Variants in RTN4RL1 observed in about 807,000 individuals in gnomAD.
RTN4RL1 encodes reticulon 4 receptor like 1.
In RTN4RL1, 7 loss-of-function variants were observed where a neutral mutation model predicts 25.6. That is an observed-to-expected ratio of 0.27 (90% CI 0.16 to 0.51). RTN4RL1 has a LOEUF of 0.51. Ranked by LOEUF, RTN4RL1 falls within the 20% of genes least tolerant of loss-of-function variation. The pLI is 0.97. For missense variants in RTN4RL1, 500 were observed against 615.6 expected, an observed-to-expected ratio of 0.81 and a Z score of 1.99; for synonymous variants, 297 against 288.2, an observed-to-expected ratio of 1.03 and a Z score of -0.31.
rs547876508 is a variant in RTN4RL1 at position 1,992,613 on chromosome 17, G to C, written c.13+32240C>G. 1.7e-4 allele frequency among the ~76,000 whole-genome samples: 26 copies of C among 152,322 alleles called. No individual in the cohort carries two copies. In the South Asian group the frequency reaches 4.8e-3, roughly 28 times the overall value. On this transcript the variant is annotated intron_variant, in intron 1 of 1. Coordinates refer to ENST00000331238, the MANE Select transcript of RTN4RL1 (RefSeq NM_178568.4). Reference sequence around the variant, plus strand: ...TGATCCAGAGGGAGCCTGTCTCGCGGGTGGCTGGGAAAGCTCCCTGTGCTG... The same window carrying C: ...TGATCCAGAGGGAGCCTGTCTCGCGCGTGGCTGGGAAAGCTCCCTGTGCTG...
intron 1 of RTN4RL1, among the ~76,000 whole-genome samples, chr17:1,946,848 G>A (rs1426152040): frequency 7.3e-6 from 1 of 137,608 alleles, no homozygotes; most frequent in Non-Finnish European, 1.6e-5. Flanking sequence ...CATCTATGTT[G>A]AATGTGTGTC....
intron 1 of RTN4RL1, among the ~76,000 whole-genome samples, chr17:2,020,980 C>G (rs1030063809): frequency 1.2e-4 from 18 of 152,206 alleles, no homozygotes; most frequent in Admixed American, 1.1e-3. Context: ...CCTGCTGCCT[C>G]TCACCTCTTA....
chr17:1,950,140 T>A (rs1915642629), intron 1 of RTN4RL1, among the ~76,000 whole-genome samples: 1 of 151,470 alleles, frequency 6.6e-6, no homozygotes, highest in Non-Finnish European at 1.5e-5. Flanking sequence ...TTTGGGAGGT[T>A]GCATTTGGAG....
chr17:1,959,049 C>T (rs559493561), intron 1 of RTN4RL1, among the ~76,000 whole-genome samples: 3 of 152,210 alleles, frequency 2.0e-5, no homozygotes, highest in Non-Finnish European at 2.9e-5. Context: ...GGTGGGCGAG[C>T]GGGAATCCTG....
In RTN4RL1 at chr17:1,935,186, C is replaced by T. The variant is rs1363533231; in HGVS notation, c.*1310G>A. On this transcript the variant is annotated 3_prime_UTR_variant, in exon 2 of 2. Transcript: ENST00000331238. ...CGTCCAGGCCGTCACTGACCAAACG[C>T]TAGGCTGACGACACGGTCCGACCCT... 6.5e-6 allele frequency: 1 copy of T among 152,684 alleles called. No homozygotes were observed. The highest frequency in any genetic ancestry group is 1.5e-5 in the Non-Finnish European group (1 of 68,086). The allele number at this position is 152,684 out of a possible 1,614,324, so 9.5% of individuals were successfully genotyped here.
At chr17:1,979,559 TTGCCTAACTGCCCAAC>T (rs959432666) in intron 1 of RTN4RL1, among the ~76,000 whole-genome samples, 4 of 152,138 alleles carry the variant, frequency 2.6e-5, no homozygotes, top group Non-Finnish European at 5.9e-5. Flanking sequence ...ACTCAAGGCT[TTGCCTAACTGCCCAAC>T]TGACTCACCC....
In RTN4RL1 at chr17:1,975,844, C is replaced by T. The variant is rs537534656; in HGVS notation, c.14-38036G>A. ...CAAGACGATCTACCTCACGGGTGTG[C>T]GAAATTTATTTGAGATAAAGAAAAC... is the stretch of plus-strand genomic sequence containing the variant. On this transcript the variant is annotated intron_variant, in intron 1 of 1. Coordinates refer to ENST00000331238, the MANE Select transcript of RTN4RL1 (RefSeq NM_178568.4). Among the ~76,000 whole-genome samples the T allele has an allele frequency of 2.4e-4, 37 of 152,150 alleles. No individual in the cohort carries two copies. In the South Asian group the frequency reaches 6.2e-3, roughly 26 times the overall value.
At chr17:1,944,541 C>T (rs1211951346) in intron 1 of RTN4RL1, among the ~76,000 whole-genome samples, 1 of 152,136 alleles carries the variant, frequency 6.6e-6, no homozygotes, top group African/African-American at 2.4e-5. Context: ...CTGCAACTTC[C>T]AACCTCCTGA....
At chr17:1,959,754 G>A (rs898580717) in intron 1 of RTN4RL1, among the ~76,000 whole-genome samples, 7 of 152,192 alleles carry the variant, frequency 4.6e-5, no homozygotes, top group Admixed American at 2.6e-4. Flanking sequence ...TAGTAGAGAC[G>A]GGGTTTCGCC....
rs752496885 is a variant in RTN4RL1, at chr17:1,937,400, G to A, written c.422C>T (p.Pro141Leu). 6 of 1,613,572 alleles carry A rather than the reference G, an allele frequency of 3.7e-6. No individual in the cohort carries two copies. The highest frequency in any genetic ancestry group is 4.5e-5 in the East Asian group (2 of 44,878). Residue 141 changes from proline (P) to leucine (L), a missense_variant, in exon 2 of 2, where the codon CCG becomes CTG. Physicochemically the swap from Pro to Leu is moderately conservative, Grantham distance 98. Transcript: ENST00000331238. ...YLYKCGLSAL[P>L]AGVFGGLHSL... ...GTGCAGGCCGCCAAAGACGCCGGCC[G>A]GCAAGGCGCTGAGCCCACACTTGTA...
intron 1 of RTN4RL1, among the ~76,000 whole-genome samples, chr17:1,992,258 G>C (rs960240897): frequency 2.6e-5 from 4 of 151,718 alleles, no homozygotes; most frequent in South Asian, 2.1e-4. Flanking sequence ...CAGCTACTTG[G>C]GGGGGCAGGA....
chr17:1,974,808 G>T (rs1350603103), intron 1 of RTN4RL1, among the ~76,000 whole-genome samples: 2 of 152,182 alleles, frequency 1.3e-5, no homozygotes, highest in Non-Finnish European at 2.9e-5. Flanking sequence ...TCTCCCATCG[G>T]CTGAACCTGA....
At chr17:2,004,025 C>T (rs961736010) in intron 1 of RTN4RL1, among the ~76,000 whole-genome samples, 87 of 150,812 alleles carry the variant, frequency 5.8e-4, no homozygotes, top group African/African-American at 1.6e-3. Context: ...GAGCCGAGGT[C>T]GCACCACTGC....
intron 1 of RTN4RL1, among the ~76,000 whole-genome samples, chr17:1,968,573 G>A (rs2066803487): frequency 6.6e-6 from 1 of 152,210 alleles, no homozygotes; most frequent in African/African-American, 2.4e-5. Context: ...ACACTCATCT[G>A]CAGTCAGGAG....
intron 1 of RTN4RL1, among the ~76,000 whole-genome samples, chr17:1,951,192 T>C (rs1394616973): frequency 6.6e-6 from 1 of 150,484 alleles, no homozygotes; most frequent in African/African-American, 2.4e-5. Flanking sequence ...ATGAACCTGG[T>C]AGAAGGAGCT....
chr17:1,984,772 G>C (rs1007969338), intron 1 of RTN4RL1, among the ~76,000 whole-genome samples: 1 of 152,184 alleles, frequency 6.6e-6, no homozygotes, highest in Non-Finnish European at 1.5e-5. Flanking sequence ...CTCGAAGCCA[G>C]CCTGGCCAAC....
intron 1 of RTN4RL1, among the ~76,000 whole-genome samples, chr17:2,007,054 G>A (rs1597241280): frequency 6.6e-6 from 1 of 152,226 alleles, no homozygotes; most frequent in East Asian, 1.9e-4. Flanking sequence ...TTCCAGTGCC[G>A]TATGATGCTG....
At chr17:1,992,554 T>C (rs1014484326) in intron 1 of RTN4RL1, among the ~76,000 whole-genome samples, 1 of 152,160 alleles carries the variant, frequency 6.6e-6, no homozygotes, top group Non-Finnish European at 1.5e-5. Flanking sequence ...TCCATCAGCA[T>C]GACCTATTGT....
chr17:2,002,626 TCCTC>T (rs1272428992), intron 1 of RTN4RL1, among the ~76,000 whole-genome samples: 3 of 150,762 alleles, frequency 2.0e-5, no homozygotes, highest in South Asian at 2.1e-4. Context: ...GTCTCTTCCC[TCCTC>T]CCTCCCTCCC....
Sources: allele counts gnomAD v4.1 joint callset (sites outside exome capture counted in the v4.1 genomes callset), GRCh38; gene constraint gnomAD v4.1.1; transcripts MANE v1.5; gene names NCBI Gene and HGNC (gene_info 2026-07-23, HGNC 2026-07-21).